Variants in SIN3B observed in about 807,000 individuals in gnomAD.
SIN3B encodes the protein SIN3 transcription regulator family member B.
A neutral mutation model predicts 120.2 loss-of-function variants in SIN3B; 19 were observed. The observed-to-expected ratio is 0.16, with a 90% confidence interval of 0.11 to 0.23. The LOEUF (loss-of-function observed/expected upper bound fraction) is 0.23. Among genes scored for constraint, SIN3B ranks in the 10% least tolerant of loss-of-function variants. The probability of loss-of-function intolerance (pLI) is 1.00; values close to 1 mark genes in which losing one functional copy is unlikely to be tolerated. For missense variants in SIN3B, 1,073 were observed against 1,573.0 expected (o/e 0.68, Z 5.38); for synonymous variants, 654 against 653.2 (o/e 1.00, Z -0.02).
At chr19:16,832,157 G>T (rs1363015642) in intron 3 of SIN3B, among the ~76,000 whole-genome samples, 1 of 150,850 alleles carries the variant, frequency 6.6e-6, no homozygotes, top group Non-Finnish European at 1.5e-5. Flanking sequence ...CTTTGCTTTG[G>T]TCCCTTTTTT....
chr19:16,842,405 C>CTT (rs764926291), intron 4 of SIN3B, among the ~76,000 whole-genome samples: 27 of 126,866 alleles, frequency 2.1e-4, no homozygotes, highest in East Asian at 4.5e-4. Context: ...GCCCAGCCAC[C>CTT]TTTTTTTTTT....
At chr19:16,852,972 G>A (rs991038591) in intron 6 of SIN3B, 97 bp from the exon 7 acceptor site, 1 of 960,322 alleles carries the variant, frequency 1.0e-6, no homozygotes, top group Non-Finnish European at 1.6e-6. Flanking sequence ...TCCCAAAGGA[G>A]AGCACGGTCT....
In SIN3B at chr19:16,833,125, C is replaced by T. The variant is rs78146595; in HGVS notation, c.381+1478C>T. ...AACCACCGGTGTAAGTGGACCAGCT[C>T]TCCCAACCTCCTCCAGTCCTTGCCT... On this transcript the variant is annotated intron_variant, in intron 3 of 18. Transcript: ENST00000248054. Among the ~76,000 whole-genome samples the T allele has an allele frequency of 6.3e-3, 964 of 152,274 alleles. 12 individuals carry two copies. The highest frequency in any genetic ancestry group is 7.1e-3 in the Non-Finnish European group (481 of 68,028).
At chr19:16,840,048 G>T (rs1971397505) in intron 3 of SIN3B, among the ~76,000 whole-genome samples, 1 of 152,108 alleles carries the variant, frequency 6.6e-6, no homozygotes, top group Admixed American at 6.6e-5. Context: ...AATTGTTTTA[G>T]AATCGTGGCT....
intron 5 of SIN3B, among the ~76,000 whole-genome samples, chr19:16,847,719 C>G (rs73523439): frequency 0.011 from 1,699 of 152,330 alleles, 28 homozygotes; most frequent in African/African-American, 0.037. Context: ...TCTTTTTTCC[C>G]CCACTATGAT....
At chr19:16,829,705 G>T in intron 1 of SIN3B, 86 bp from the exon 2 acceptor site, 1 of 1,183,718 alleles carries the variant, frequency 8.4e-7, no homozygotes. Context: ...CGAAAGCCCA[G>T]CCCATCCCCT....
At position 16,869,561 on chromosome 19, in the gene SIN3B, C is replaced by T. The variant is rs766030988; in HGVS notation, c.1908C>T (p.Leu636=). Residue 636 remains leucine (L), a synonymous_variant, in exon 13 of 19, where the codon CTC becomes CTT. Coordinates refer to ENST00000248054, the MANE Select transcript of SIN3B (RefSeq NM_001297595.2). ...DRQILEDAAA[L]ISYYVKRQPA... is the part of the protein sequence containing the mutation. ...AGATCCTGGAGGACGCAGCAGCGCT[C>T]ATCAGCTACTACGTGAAGCGGCAGC... 1 of 1,613,770 alleles carries T rather than the reference C, an allele frequency of 6.2e-7. No homozygotes were observed. Among genetic ancestry groups the T allele is most frequent in the Non-Finnish European group, 8.5e-7 (1 of 1,180,046 alleles).
chr19:16,871,668 C>T (rs1174322118), intron 14 of SIN3B: 8 of 400,510 alleles, frequency 2.0e-5, no homozygotes, highest in Non-Finnish European at 1.3e-5. Context: ...TCCCCATCAG[C>T]AGCCACTGCC....
chr19:16,871,293 C>G lies in SIN3B; in HGVS notation c.2487C>G (p.Gly829=), dbSNP rs1599613231. 6.2e-7 allele frequency: 1 copy of G among 1,614,088 alleles called. No individual in the cohort carries two copies. The highest frequency in any genetic ancestry group is 1.3e-5 in the African/African-American group (1 of 74,944). Residue 829 remains glycine (G), a synonymous_variant, in exon 14 of 19, where the codon GGC becomes GGG. Transcript: ENST00000248054. ...FLDMVRSLLE[G]SIDPTQYEDT... is the part of the protein sequence containing the mutation. ...ACATGGTGCGGAGCCTGCTGGAGGG[C>G]AGCATCGACCCCACGCAGTACGAGG...
intron 3 of SIN3B, among the ~76,000 whole-genome samples, chr19:16,838,623 A>G (rs1055602875): frequency 3.9e-5 from 6 of 152,152 alleles, no homozygotes; most frequent in African/African-American, 1.2e-4. Context: ...TGTTGTGCAT[A>G]GTGCTGCAAC....
At chr19:16,869,407 G>A in intron 12 of SIN3B, 53 bp from the exon 13 acceptor site, 1 of 1,524,910 alleles carries the variant, frequency 6.6e-7, no homozygotes, top group Non-Finnish European at 8.8e-7. Context: ...GGCACTGGGG[G>A]TCCTCTGGGT....
rs764145787 is a variant in SIN3B, at chr19:16,878,745, C to T, written c.*18C>T. The T allele has an allele frequency of 3.6e-5, 57 of 1,571,690 alleles. No individual in the cohort carries two copies. The Admixed American group carries it at 8.1e-4, about 22-fold the overall frequency. ...CGCCCTGACCCGCCCTCATGGGCAC[C>T]GGGCAGGCGCCTCACAGAGCACAGA... On this transcript the variant is annotated 3_prime_UTR_variant, in exon 19 of 19. Transcript: ENST00000248054.
At chr19:16,854,317 T>C (rs1414510815) in intron 8 of SIN3B, 56 bp downstream of exon 8, 3 of 1,113,332 alleles carry the variant, frequency 2.7e-6, no homozygotes, top group Non-Finnish European at 3.9e-6. Context: ...GTCAACTCCA[T>C]CTACTTGGTT....
intron 5 of SIN3B, among the ~76,000 whole-genome samples, chr19:16,848,298 T>G (rs1022889174): frequency 6.6e-6 from 1 of 152,186 alleles, no homozygotes; most frequent in Non-Finnish European, 1.5e-5. Context: ...ACATGTTAAT[T>G]CTGTTTTTGA....
intron 12 of SIN3B, among the ~76,000 whole-genome samples, chr19:16,868,688 C>T (rs537824679): frequency 4.5e-4 from 69 of 152,226 alleles, no homozygotes; most frequent in African/African-American, 1.6e-3. Flanking sequence ...CAGGGGCCGG[C>T]GTCTTCTGAG....
intron 8 of SIN3B, among the ~76,000 whole-genome samples, chr19:16,859,185 C>T (rs1278708550): frequency 1.3e-5 from 2 of 152,146 alleles, no homozygotes; most frequent in African/African-American, 4.8e-5. Context: ...CAGGTCGAAC[C>T]CCTCTAACTT....
intron 2 of SIN3B, 125 bp from the exon 3 acceptor site, chr19:16,831,369 A>G (rs1971276393): frequency 2.9e-6 from 3 of 1,026,936 alleles, no homozygotes; most frequent in Non-Finnish European, 4.3e-6. Flanking sequence ...GGTGGGTCAC[A>G]TTTTAGGTTC....
intron 3 of SIN3B, among the ~76,000 whole-genome samples, chr19:16,838,053 G>A (rs1257190249): frequency 1.3e-5 from 2 of 152,096 alleles, no homozygotes; most frequent in Non-Finnish European, 2.9e-5. Context: ...GGAGAGAGGA[G>A]GTGCCGGAAG....
chr19:16,836,621 T>C (rs980944619), intron 3 of SIN3B, among the ~76,000 whole-genome samples: 1 of 152,234 alleles, frequency 6.6e-6, no homozygotes, highest in Non-Finnish European at 1.5e-5. Flanking sequence ...TGTTCATGAC[T>C]GTATCCACCT....
Sources: gnomAD v4.1 joint callset for allele counts (sites outside exome capture counted in the v4.1 genomes callset) on GRCh38, gnomAD v4.1.1 for gene constraint, MANE v1.5 for transcripts, NCBI Gene and HGNC (gene_info 2026-07-23, HGNC 2026-07-21) for gene names.